The following IL6ST variants were observed in gnomAD, a reference collection of about 807,000 sequenced individuals.
IL6ST encodes the protein interleukin 6 cytokine family signal transducer.
In IL6ST, 24 loss-of-function variants were observed where a neutral mutation model predicts 91.3. The ratio of observed to expected loss-of-function variants is 0.26; its 90% CI spans 0.19 to 0.37. The LOEUF (loss-of-function observed/expected upper bound fraction) is 0.37. Among genes scored for constraint, IL6ST ranks in the 10% least tolerant of loss-of-function variants. The pLI is 1.00. For missense variants in IL6ST, 914 were observed against 1,078.5 expected (o/e 0.85, Z 2.14); for synonymous variants, 351 against 373.6 (o/e 0.94, Z 0.70).
chr5:55,937,446 G>C lies in IL6ST; in HGVS notation c.*3636C>G, dbSNP rs542553246. ...GGTTAATGCAAAAGATAATACGCTT[G>C]GCTTTGTAAAGTTTTGTTTTGACTT... On this transcript the variant is annotated 3_prime_UTR_variant, in exon 17 of 17. Coordinates refer to ENST00000381298, the MANE Select transcript of IL6ST (RefSeq NM_002184.4). 37 of 211,810 alleles carry C rather than the reference G, an allele frequency of 1.7e-4. No homozygotes were observed. The highest frequency in any genetic ancestry group is 3.0e-4 in the Non-Finnish European group (31 of 104,530). 13.1% of individuals were successfully genotyped at this position (211,810 alleles called of 1,614,324 possible). A position where few individuals can be genotyped will look rare whatever the true frequency, so the allele number is the denominator to read the frequency against.
chr5:55,941,849 A>C (rs1254521852), intron 16 of IL6ST, 30 bp from the exon 17 acceptor site: 1 of 1,570,382 alleles, frequency 6.4e-7, no homozygotes, highest in Non-Finnish European at 8.7e-7. Flanking sequence ...GTATATGGCA[A>C]GTATTAGTTA....
At chr5:55,975,555 G>A (rs920305215) in intron 3 of IL6ST, among the ~76,000 whole-genome samples, 1 of 152,004 alleles carries the variant, frequency 6.6e-6, no homozygotes, top group Admixed American at 6.6e-5. Flanking sequence ...AAAAAAAATT[G>A]TAGAGATGGG....
intron 15 of IL6ST, among the ~76,000 whole-genome samples, chr5:55,945,088 TAAATCTGACCTATAGATTCAATA>T (rs1400863089): frequency 6.7e-6 from 1 of 148,956 alleles, no homozygotes; most frequent in Non-Finnish European, 1.5e-5. Context: ...TAGATTCAAT[TAAATCTGACCTATAGATTCAATA>T]AAATCCCAAT....
At chr5:55,980,081 GT>G (rs1423163992) in intron 2 of IL6ST, among the ~76,000 whole-genome samples, 2 of 151,228 alleles carry the variant, frequency 1.3e-5, no homozygotes, top group East Asian at 3.9e-4. Context: ...ACACACATTC[GT>G]TTTTTTATAT....
In IL6ST at chr5:55,937,963, A is replaced by G. The variant is rs916762001; in HGVS notation, c.*3119T>C. On this transcript the variant is annotated 3_prime_UTR_variant, in exon 17 of 17. Transcript: ENST00000381298. ...TTAGTAAACAGAAATATTTTAGGGAATTCTATGATTATTCTACTTCTACAT... is the reference window on the plus strand; with the variant it reads ...TTAGTAAACAGAAATATTTTAGGGAGTTCTATGATTATTCTACTTCTACAT... 1.0e-5 allele frequency: 2 copies of G among 193,998 alleles called. No homozygotes were observed. The highest frequency in any genetic ancestry group is 4.7e-5 in the African/African-American group (2 of 42,400). 12.0% of individuals were successfully genotyped at this position (193,998 alleles called of 1,614,324 possible).
At chr5:55,978,252 C>T (rs1194950148) in intron 2 of IL6ST, 2 of 152,222 alleles carry the variant, frequency 1.3e-5, no homozygotes, top group African/African-American at 2.4e-5. Context: ...AGTCAGATGA[C>T]ACCTGAACAG....
Position 55,977,831 on chromosome 5 carries a change from G to GAC in IL6ST, c.-15-1540_-15-1539dup, listed in dbSNP as rs113287344. ...ACAGAGCGAGACCCCGACACACACA[G>GAC]ACACACACACACACACACACGCCAG... On this transcript the variant is annotated intron_variant, in intron 2 of 16. Coordinates refer to ENST00000381298, the MANE Select transcript of IL6ST (RefSeq NM_002184.4). 3.8e-3 allele frequency among the ~76,000 whole-genome samples: 563 copies of GAC among 149,100 alleles called. 1 individual carries two copies. The highest frequency in any genetic ancestry group is 9.9e-3 in the African/African-American group (403 of 40,684).
rs754618650 is a variant in IL6ST at position 55,952,088 on chromosome 5, G to C, written c.1553-13C>G. 6.2e-7 allele frequency: 1 copy of C among 1,601,896 alleles called. No homozygotes were observed. The highest frequency in any genetic ancestry group is 1.8e-5 in the Admixed American group (1 of 56,914). On this transcript the variant is annotated splice_polypyrimidine_tract_variant and intron_variant, in intron 12 of 16. Coordinates refer to ENST00000381298, the MANE Select transcript of IL6ST (RefSeq NM_002184.4). ...CCTTTGGAAGGTGCTGTAACAGAGT[G>C]AACACATTTGCTAACTGAAAATCAT... is the stretch of plus-strand genomic sequence containing the variant.
intron 1 of IL6ST, among the ~76,000 whole-genome samples, chr5:55,992,675 C>T (rs1237439267): frequency 6.6e-6 from 1 of 152,174 alleles, no homozygotes; most frequent in Non-Finnish European, 1.5e-5. Flanking sequence ...TACATTTTGT[C>T]CTCCATTCGC....
intron 5 of IL6ST, among the ~76,000 whole-genome samples, chr5:55,965,025 T>TG (rs1375520419): frequency 6.6e-6 from 1 of 152,134 alleles, no homozygotes; most frequent in African/African-American, 2.4e-5. Flanking sequence ...ATTAATAGAT[T>TG]TGACTTTTTG....
chr5:55,955,817 G>C (rs1751919825), intron 10 of IL6ST, among the ~76,000 whole-genome samples: 1 of 152,074 alleles, frequency 6.6e-6, no homozygotes, highest in Non-Finnish European at 1.5e-5. Context: ...AGGAGTTCGA[G>C]ACCAGCCTGA....
Position 55,941,806 on chromosome 5 carries a change from G to T in IL6ST, c.2033C>A (p.Ser678Ter). The T allele has an allele frequency of 6.2e-7, 1 of 1,609,604 alleles. No individual in the cohort carries two copies. Among genetic ancestry groups the T allele is most frequent in the Non-Finnish European group, 8.5e-7 (1 of 1,178,278 alleles). The change falls in exon 17 of 17, where the codon TCA becomes TAA. Residue 678 changes from serine (S) to a stop codon, truncating the protein, a stop_gained. Transcript: ENST00000381298. LOFTEE classifies it high-confidence loss of function. ...PHTPPRHNFN[S>*]KDQMYSDGNF... is the part of the protein sequence containing the mutation. ...GCCATCTGAATACATTTGATCTTTT[G>T]AATTAAAATTGTGCTAAGGAAGAGA... is the stretch of plus-strand genomic sequence containing the variant.
At position 55,976,227 on chromosome 5, in the gene IL6ST, T is replaced by C. The variant is rs781455079; in HGVS notation, c.52A>G (p.Thr18Ala). 8.9e-6 allele frequency: 14 copies of C among 1,579,114 alleles called. No homozygotes were observed. In the East Asian group the frequency reaches 3.0e-4, roughly 34 times the overall value. Reference sequence around the variant, plus strand: ...TCATGAACCTTACCTGTAGATTCAGTGGTGAGGAAAATAAACAAGGCTTGC... The same window carrying C: ...TCATGAACCTTACCTGTAGATTCAGCGGTGAGGAAAATAAACAAGGCTTGC... ...LVQALFIFLT[T>A]ESTGELLDPC... Residue 18 changes from threonine to alanine, a missense_variant, in exon 3 of 17, where the codon ACT (threonine) becomes GCT (alanine). By Grantham distance (58) the Thr-to-Ala change is moderately conservative. Coordinates refer to ENST00000381298, the MANE Select transcript of IL6ST (RefSeq NM_002184.4).
intron 3 of IL6ST, among the ~76,000 whole-genome samples, chr5:55,975,905 A>G (rs1445217079): frequency 6.8e-6 from 1 of 147,982 alleles, no homozygotes; most frequent in East Asian, 2.0e-4. Flanking sequence ...TTACTGAAGA[A>G]AAAAAAAAAA....
intron 15 of IL6ST, among the ~76,000 whole-genome samples, chr5:55,943,661 T>C (rs930647196): frequency 5.3e-5 from 8 of 152,052 alleles, no homozygotes; most frequent in Admixed American, 2.0e-4. Flanking sequence ...ATCATCTCAA[T>C]AGATTCAGAA....
At chr5:55,952,977 C>T (rs1437300958) in intron 11 of IL6ST, among the ~76,000 whole-genome samples, 3 of 152,106 alleles carry the variant, frequency 2.0e-5, no homozygotes, top group African/African-American at 7.2e-5. Flanking sequence ...AGGAGAATCA[C>T]TTGAACCCAG....
At chr5:55,964,379 T>C (rs554863693) in intron 5 of IL6ST, 67 bp from the exon 6 acceptor site, 39 of 1,178,392 alleles carry the variant, frequency 3.3e-5, no homozygotes, top group Non-Finnish European at 6.1e-6. Flanking sequence ...TGAAAAAAAT[T>C]ACTTGCAAAG....
intron 2 of IL6ST, among the ~76,000 whole-genome samples, chr5:55,979,763 C>G (rs970304264): frequency 6.6e-6 from 1 of 152,320 alleles, no homozygotes; most frequent in African/African-American, 2.4e-5. Flanking sequence ...AAAACACACA[C>G]ATTTGATTCT....
At chr5:55,994,515 C>A (rs1308358420) in intron 1 of IL6ST, among the ~76,000 whole-genome samples, 1 of 151,992 alleles carries the variant, frequency 6.6e-6, no homozygotes, top group Admixed American at 6.6e-5. Flanking sequence ...GGGCGTTCTG[C>A]GGGGCGGGCG....
Sources: gnomAD v4.1 joint callset for allele counts (sites outside exome capture counted in the v4.1 genomes callset) on GRCh38, gnomAD v4.1.1 for gene constraint, MANE v1.5 for transcripts, NCBI Gene and HGNC (gene_info 2026-07-23, HGNC 2026-07-21) for gene names.